CHST3: variants seen among roughly 807,000 people sequenced by gnomAD.
The protein encoded by CHST3 is C6ST-1.
Under a neutral mutation model 35.4 loss-of-function variants are expected in CHST3, and 20 were observed. That is an observed-to-expected ratio of 0.57 (90% CI 0.40 to 0.82). The LOEUF (loss-of-function observed/expected upper bound fraction) is 0.82. Among genes scored for constraint, CHST3 ranks in the 40% least tolerant of loss-of-function variants. The probability of loss-of-function intolerance (pLI) is 0.00; values close to 1 mark genes in which losing one functional copy is unlikely to be tolerated. For synonymous variants in CHST3, 334 were observed against 295.9 expected (o/e 1.13, Z -1.32); for missense variants, 693 against 670.1 (o/e 1.03, Z -0.38).
At chr10:71,984,418 G>T (rs1372593219) in intron 1 of CHST3, among the ~76,000 whole-genome samples, 2 of 152,146 alleles carry the variant, frequency 1.3e-5, no homozygotes, top group Non-Finnish European at 2.9e-5. Context: ...TGTGCGTTTT[G>T]TCTAACTCTG....
chr10:71,978,073 C>T lies in CHST3; in HGVS notation c.-108+13379C>T, dbSNP rs76075432. On this transcript the variant is annotated intron_variant, in intron 1 of 2. Transcript: ENST00000373115. Reference sequence around the variant, plus strand: ...CTTCTGGAGAAGCCAGTCACTTGCCCGGTCACACTGTACAAAGTGGCTCAG... The same window carrying T: ...CTTCTGGAGAAGCCAGTCACTTGCCTGGTCACACTGTACAAAGTGGCTCAG... 1.9e-3 allele frequency among the ~76,000 whole-genome samples: 283 copies of T among 152,278 alleles called. 9 individuals are homozygous for T. In the South Asian group the frequency reaches 0.055, roughly 30 times the overall value.
chr10:72,000,524 C>CCAGAG (rs58013578), intron 1 of CHST3, among the ~76,000 whole-genome samples: 53,009 of 151,514 alleles, frequency 0.35, 10,866 homozygotes, highest in Non-Finnish European at 0.47. Flanking sequence ...AAGGAGCCAG[C>CCAGAG]CAGAGCAGAT....
At chr10:72,005,154 G>GT (rs1201273707) in intron 1 of CHST3, among the ~76,000 whole-genome samples, 10 of 152,350 alleles carry the variant, frequency 6.6e-5, no homozygotes, top group African/African-American at 2.4e-4. Context: ...TTGGCAATTA[G>GT]TGGGTAGAGG....
At chr10:71,970,987 A>G (rs1393483520) in intron 1 of CHST3, among the ~76,000 whole-genome samples, 1 of 152,192 alleles carries the variant, frequency 6.6e-6, no homozygotes, top group Non-Finnish European at 1.5e-5. Context: ...TGATTTCCAG[A>G]AACTCAAGCA....
intron 1 of CHST3, among the ~76,000 whole-genome samples, chr10:71,965,054 C>T (rs374822296): frequency 6.6e-6 from 1 of 152,178 alleles, no homozygotes; most frequent in African/African-American, 2.4e-5. Flanking sequence ...CACACCCCTC[C>T]GTCACATCCA....
intron 1 of CHST3, among the ~76,000 whole-genome samples, chr10:72,000,726 G>A (rs567666987): frequency 5.8e-4 from 89 of 152,278 alleles, no homozygotes; most frequent in African/African-American, 1.9e-3. Context: ...TATTGTCTGT[G>A]CCTCCGAGAA....
intron 1 of CHST3, among the ~76,000 whole-genome samples, chr10:71,990,328 G>A (rs924470924): frequency 1.3e-5 from 2 of 152,118 alleles, no homozygotes; most frequent in African/African-American, 2.4e-5. Flanking sequence ...CTTACCTGGT[G>A]GAAGGAGCAG....
intron 1 of CHST3, among the ~76,000 whole-genome samples, chr10:71,973,927 G>A (rs1178270732): frequency 6.6e-6 from 1 of 152,198 alleles, no homozygotes; most frequent in Non-Finnish European, 1.5e-5. Flanking sequence ...AGGCAGGATG[G>A]AGTTGTGGTT....
intron 1 of CHST3, among the ~76,000 whole-genome samples, chr10:71,979,617 C>G (rs1839781932): frequency 6.6e-6 from 1 of 152,186 alleles, no homozygotes; most frequent in African/African-American, 2.4e-5. Context: ...ACCGCCTTCC[C>G]TTTTCTGCAT....
chr10:71,976,907 G>A (rs1589498231), intron 1 of CHST3, among the ~76,000 whole-genome samples: 1 of 152,188 alleles, frequency 6.6e-6, no homozygotes, highest in East Asian at 1.9e-4. Context: ...ATGGTGCAAA[G>A]TTGAAAAGGC....
intron 1 of CHST3, among the ~76,000 whole-genome samples, chr10:71,969,351 C>G (rs527299252): frequency 6.6e-6 from 1 of 152,216 alleles, no homozygotes; most frequent in East Asian, 1.9e-4. Context: ...GGGACAGCCA[C>G]GTTTTCAGTC....
Position 71,986,390 on chromosome 10 carries a change from G to T in CHST3, c.-107-19346G>T, listed in dbSNP as rs527742190. Among the ~76,000 whole-genome samples the T allele has an allele frequency of 4.6e-5, 7 of 152,320 alleles. No individual in the cohort carries two copies. The South Asian group carries it at 1.5e-3, about 32-fold the overall frequency. On this transcript the variant is annotated intron_variant, in intron 1 of 2. Coordinates refer to ENST00000373115, the MANE Select transcript of CHST3 (RefSeq NM_004273.5). ...GTAAACTTCTCTGGATGATTCTTAT[G>T]CTGTCAGAGTTGAAAACCAGTCCTC... is the stretch of plus-strand genomic sequence containing the variant.
chr10:71,982,356 A>T lies in CHST3; in HGVS notation c.-108+17662A>T, dbSNP rs1384369597. ...TAGCCTCCAGAAGCTGGGAAAGGCA[A>T]GGCTGCAGACTCTCCAGAAGGAACC... On this transcript the variant is annotated intron_variant, in intron 1 of 2. Coordinates refer to ENST00000373115, the MANE Select transcript of CHST3 (RefSeq NM_004273.5). Among the ~76,000 whole-genome samples, 4 of 152,252 alleles carry T rather than the reference A, an allele frequency of 2.6e-5. No individual in the cohort carries two copies. In the East Asian group the frequency reaches 7.7e-4, roughly 29 times the overall value.
intron 1 of CHST3, among the ~76,000 whole-genome samples, chr10:71,967,990 TGTA>T (rs1839648793): frequency 1.3e-5 from 2 of 150,784 alleles, no homozygotes; most frequent in African/African-American, 2.4e-5. Context: ...TTTTTTTTTT[TGTA>T]TTTTAGTAGA....
intron 2 of CHST3, among the ~76,000 whole-genome samples, chr10:72,006,959 C>G (rs1479105781): frequency 6.6e-6 from 1 of 152,248 alleles, no homozygotes; most frequent in African/African-American, 2.4e-5. Context: ...CATCATGCAC[C>G]TCTTTCCTCC....
intron 1 of CHST3, among the ~76,000 whole-genome samples, chr10:71,989,375 A>T (rs1340903833): frequency 6.6e-6 from 1 of 152,076 alleles, no homozygotes; most frequent in Non-Finnish European, 1.5e-5. Context: ...TGAGTCCAGG[A>T]GGTTGAGGCT....
intron 1 of CHST3, among the ~76,000 whole-genome samples, chr10:71,982,176 G>A (rs1839806942): frequency 6.6e-6 from 1 of 152,210 alleles, no homozygotes; most frequent in Non-Finnish European, 1.5e-5. Context: ...GGATTATCCA[G>A]GAGAGCCCTA....
chr10:72,005,620 G>T, intron 1 of CHST3, 116 bp from the exon 2 acceptor site: 1 of 594,094 alleles, frequency 1.7e-6, no homozygotes, highest in Non-Finnish European at 3.0e-6. Context: ...TCTGGAGAGT[G>T]GGTCTGGGGT....
rs142913011 is a variant in CHST3, at chr10:71,971,780, G to A, written c.-108+7086G>A. Reference sequence around the variant, plus strand: ...CCTGGCTTTCCTCTGGAGACTTCCAGGGGCTTGTTAGAGACACGGAGAGAA... The same window carrying A: ...CCTGGCTTTCCTCTGGAGACTTCCAAGGGCTTGTTAGAGACACGGAGAGAA... On this transcript the variant is annotated intron_variant, in intron 1 of 2. Coordinates refer to ENST00000373115, the MANE Select transcript of CHST3 (RefSeq NM_004273.5). 3.2e-4 allele frequency among the ~76,000 whole-genome samples: 49 copies of A among 152,300 alleles called. No individual in the cohort carries two copies. In the East Asian group the frequency reaches 3.3e-3, roughly 10 times the overall value.
Sources: allele counts gnomAD v4.1 joint callset (sites outside exome capture counted in the v4.1 genomes callset), GRCh38; gene constraint gnomAD v4.1.1; transcripts MANE v1.5; gene names NCBI Gene and HGNC (gene_info 2026-07-23, HGNC 2026-07-21).